ROBO2: variants seen among roughly 807,000 people sequenced by gnomAD.
The protein encoded by ROBO2 is roundabout guidance receptor 2.
A neutral mutation model predicts 160.8 loss-of-function variants in ROBO2; 53 were observed. The ratio of observed to expected loss-of-function variants is 0.33; its 90% CI spans 0.26 to 0.41. The LOEUF is 0.41. ROBO2 is among the 10% of genes least tolerant of loss of function. The pLI is 1.00. For missense variants in ROBO2, 1,577 were observed against 1,722.4 expected (o/e 0.92, Z 1.49); for synonymous variants, 664 against 611.7 (o/e 1.09, Z -1.26).
At chr3:77,168,866 C>A (rs2079356478) in intron 2 of ROBO2, among the ~76,000 whole-genome samples, 1 of 152,132 alleles carries the variant, frequency 6.6e-6, no homozygotes, top group Admixed American at 6.5e-5. Context: ...CATGTAATGC[C>A]AGAGTCTGCA....
At chr3:77,585,939 G>A (rs553984756) in intron 16 of ROBO2, among the ~76,000 whole-genome samples, 27 of 152,198 alleles carry the variant, frequency 1.8e-4, no homozygotes, top group Admixed American at 3.3e-4. Context: ...ATTAAATCAT[G>A]TATTGGCATT....
In ROBO2 at chr3:77,403,720, G is replaced by T. The variant is rs188447978; in HGVS notation, c.389-73694G>T. 4.1e-3 allele frequency among the ~76,000 whole-genome samples: 622 copies of T among 151,452 alleles called. 4 individuals carry two copies. The highest frequency in any genetic ancestry group is 0.014 in the African/African-American group (586 of 41,224). ...AACATTAGAGTGCAGATATCTCTTT[G>T]GTATAGTGATTTTGTGATTTTGTTT... On this transcript the variant is annotated intron_variant, in intron 2 of 25. Transcript: ENST00000461745.
At chr3:75,940,436 G>C (rs1947999819) in intron 2 of ROBO2, among the ~76,000 whole-genome samples, 1 of 152,000 alleles carries the variant, frequency 6.6e-6, no homozygotes, top group African/African-American at 2.4e-5. Context: ...TCAATTTTTT[G>C]TATCTGTGAA....
intron 2 of ROBO2, among the ~76,000 whole-genome samples, chr3:76,932,442 A>ACACACT (rs2077409046): frequency 6.6e-6 from 1 of 152,026 alleles, no homozygotes. Context: ...ACACACACAC[A>ACACACT]TACACGTGTC....
chr3:76,888,445 T>C (rs2074084776), intron 2 of ROBO2, among the ~76,000 whole-genome samples: 2 of 152,220 alleles, frequency 1.3e-5, no homozygotes, highest in African/African-American at 4.8e-5. Flanking sequence ...AATACTTATT[T>C]TTCCAACTTG....
Position 76,192,524 on chromosome 3 carries a change from CCACACACACACACACA to C in ROBO2, c.109+254954_109+254969del, listed in dbSNP as rs3039244. Among the ~76,000 whole-genome samples, 105 of 130,154 alleles carry C rather than the reference CCACACACACACACACA, an allele frequency of 8.1e-4. 1 individual carries two copies. The highest frequency in any genetic ancestry group is 2.1e-3 in the African/African-American group (74 of 35,024). The allele number at this position is 130,154 out of a possible 152,430, so 85.4% of individuals were successfully genotyped here. ...TCTAAACTTTGCGTCCAACACTCCA[CCACACACACACACACA>C]CACACACACACACACACACACACAC... On this transcript the variant is annotated intron_variant, in intron 2 of 26. Coordinates refer to the ROBO2 transcript ENST00000487694.
In ROBO2 at chr3:76,807,008, A is replaced by G. The variant is rs138875078; in HGVS notation, c.110-291006A>G. Among the ~76,000 whole-genome samples, 217 of 152,166 alleles carry G rather than the reference A, an allele frequency of 1.4e-3. 1 individual carries two copies. Among genetic ancestry groups the G allele is most frequent in the African/African-American group, 5.1e-3 (212 of 41,548 alleles). On this transcript the variant is annotated intron_variant, in intron 2 of 26. Transcript: ENST00000487694. ...ATTAAAAGAAATTAGAATCAATATA[A>G]TGACACTACGTTTCTCTACACCAAA...
intron 2 of ROBO2, among the ~76,000 whole-genome samples, chr3:76,366,591 T>C (rs2075821967): frequency 6.6e-6 from 1 of 152,058 alleles, no homozygotes; most frequent in Non-Finnish European, 1.5e-5. Flanking sequence ...AATGCTATTG[T>C]TAAAATTGCT....
chr3:76,932,544 C>T (rs80218191), intron 2 of ROBO2, among the ~76,000 whole-genome samples: 4,754 of 152,002 alleles, frequency 0.031, 221 homozygotes, highest in African/African-American at 0.11. Context: ...TTCTTTTGGA[C>T]TCCAAAGCCT....
intron 2 of ROBO2, among the ~76,000 whole-genome samples, chr3:76,287,094 G>A (rs1708539950): frequency 1.3e-5 from 2 of 152,030 alleles, no homozygotes; most frequent in Admixed American, 6.5e-5. Context: ...TAAATACCAG[G>A]GTCATTTGTT....
At chr3:77,570,894 C>T (rs577967917) in intron 13 of ROBO2, among the ~76,000 whole-genome samples, 84 of 152,110 alleles carry the variant, frequency 5.5e-4, no homozygotes, top group African/African-American at 1.8e-3. Flanking sequence ...GACATAACTA[C>T]TGTAGAGACC....
rs149635448 is a variant in ROBO2 at position 76,166,694 on chromosome 3, A to G, written c.109+229092A>G. Among the ~76,000 whole-genome samples, 26 of 152,292 alleles carry G rather than the reference A, an allele frequency of 1.7e-4. No individual in the cohort carries two copies. In the East Asian group the frequency reaches 4.4e-3, roughly 26 times the overall value. The stretch of plus-strand genomic sequence containing the variant: ...TCACATATAAAAAAAAAATCCCAGC[A>G]TAATATACATGAGAATACACTAGAG... On this transcript the variant is annotated intron_variant, in intron 2 of 26. Transcript: ENST00000487694.
At chr3:76,692,497 T>C (rs1284933538) in intron 2 of ROBO2, among the ~76,000 whole-genome samples, 2 of 152,096 alleles carry the variant, frequency 1.3e-5, no homozygotes, top group East Asian at 1.9e-4. Flanking sequence ...TTTCTATTCG[T>C]CACAAGGACC....
At chr3:75,994,541 T>A (rs185993154) in intron 2 of ROBO2, among the ~76,000 whole-genome samples, 207 of 152,332 alleles carry the variant, frequency 1.4e-3, no homozygotes, top group African/African-American at 4.7e-3. Flanking sequence ...CTTCACCCTT[T>A]GAAGAAGTGG....
At chr3:76,571,506 A>G (rs1012382696) in intron 2 of ROBO2, among the ~76,000 whole-genome samples, 1 of 152,140 alleles carries the variant, frequency 6.6e-6, no homozygotes, top group Non-Finnish European at 1.5e-5. Flanking sequence ...ACTTCATGAG[A>G]TAGAATTATC....
At chr3:76,323,390 T>C (rs1190999002) in intron 2 of ROBO2, among the ~76,000 whole-genome samples, 2 of 152,192 alleles carry the variant, frequency 1.3e-5, no homozygotes, top group Non-Finnish European at 2.9e-5. Context: ...GTGAAAATGT[T>C]AGATGCATAC....
At chr3:76,439,878 C>A (rs1157190264) in intron 2 of ROBO2, among the ~76,000 whole-genome samples, 1 of 152,136 alleles carries the variant, frequency 6.6e-6, no homozygotes, top group Non-Finnish European at 1.5e-5. Flanking sequence ...ATGGGTAGTT[C>A]ATCACATTGG....
chr3:77,259,103 C>T (rs1030081343), intron 2 of ROBO2, among the ~76,000 whole-genome samples: 8 of 152,310 alleles, frequency 5.3e-5, no homozygotes, highest in East Asian at 1.9e-4. Flanking sequence ...ATACTCTCCT[C>T]GTATTCACAT....
At chr3:77,343,522 T>C (rs2067296298) in intron 2 of ROBO2, among the ~76,000 whole-genome samples, 1 of 152,164 alleles carries the variant, frequency 6.6e-6, no homozygotes, top group Admixed American at 6.6e-5. Flanking sequence ...GTATTTAACA[T>C]TGATAGGTTG....
Sources: gnomAD v4.1 joint callset for allele counts (sites outside exome capture counted in the v4.1 genomes callset) on GRCh38, gnomAD v4.1.1 for gene constraint, MANE v1.5 for transcripts, NCBI Gene and HGNC (gene_info 2026-07-23, HGNC 2026-07-21) for gene names.